TRPV2: variants seen among roughly 807,000 people sequenced by gnomAD.
The protein encoded by TRPV2 is OTRPC2.
A neutral mutation model predicts 91.0 loss-of-function variants in TRPV2; 58 were observed. The observed-to-expected ratio is 0.64, with a 90% CI of 0.52 to 0.79. The LOEUF (loss-of-function observed/expected upper bound fraction) is 0.79, where lower values mean the gene tolerates loss of function less well. TRPV2 is among the 30% of genes least tolerant of loss of function. The pLI is 0.00. For synonymous variants in TRPV2, 417 were observed against 414.8 expected (o/e 1.01, Z -0.06); for missense variants, 807 against 969.6 (o/e 0.83, Z 2.23).
At chr17:16,423,876 C>A in intron 5 of TRPV2, 109 bp downstream of exon 5, 1 of 1,089,684 alleles carries the variant, frequency 9.2e-7, no homozygotes, top group Non-Finnish European at 1.3e-6. Flanking sequence ...GGCTTCTCTG[C>A]TTTTCAATGG....
At chr17:16,424,630 C>G (rs540157055) in intron 5 of TRPV2, among the ~76,000 whole-genome samples, 134 of 152,220 alleles carry the variant, frequency 8.8e-4, no homozygotes, top group African/African-American at 3.0e-3. Context: ...GTTTGTGTTT[C>G]TTTATTAAGA....
intron 2 of TRPV2, chr17:16,419,471 G>A (rs567904998): frequency 2.1e-6 from 1 of 468,186 alleles, no homozygotes; most frequent in South Asian, 1.5e-5. Flanking sequence ...GGGATTCAGA[G>A]TCAGGGTCTA....
chr17:16,431,292 T>TATATATATATATATATATATA (rs1491493192), intron 10 of TRPV2, among the ~76,000 whole-genome samples: 1 of 16,294 alleles, frequency 6.1e-5, no homozygotes, highest in Non-Finnish European at 9.6e-5. Flanking sequence ...TATATACATA[T>TATATATATATATATATATATA]TTTTTTTTTT....
Position 16,435,051 on chromosome 17 carries a change from C to A in TRPV2, c.2194+82C>A. 8.0e-7 allele frequency: 1 copy of A among 1,248,124 alleles called. No homozygotes were observed. The highest frequency in any genetic ancestry group is 1.1e-6 in the Non-Finnish European group (1 of 903,480). The allele number at this position is 1,248,124 out of a possible 1,614,324, so 77.3% of individuals were successfully genotyped here. A position where few individuals can be genotyped will look rare whatever the true frequency, so the allele number is the denominator to read the frequency against. On this transcript the variant is annotated intron_variant, in intron 14 of 14. Coordinates refer to ENST00000338560, the MANE Select transcript of TRPV2 (RefSeq NM_016113.5). The surrounding 1 kb of genome is among the most constrained non-coding windows in gnomAD (Gnocchi z 4.2). ...CCACAAAGCCTTGGAGAGTCTGGGGCAGGACCCAGAGACCTCCTCATAGTC... is the reference window on the plus strand; with the variant it reads ...CCACAAAGCCTTGGAGAGTCTGGGGAAGGACCCAGAGACCTCCTCATAGTC...
Position 16,420,135 on chromosome 17 carries a change from T to G in TRPV2, c.221T>G (p.Phe74Cys), listed in dbSNP as rs761328818. ...TGASQPDPNR[F>C]DRDRLFNAVS... Reference sequence around the variant, plus strand: ...CACAGTCAGCCGGATCCAAACCGATTTGACCGAGATCGGCTCTTCAATGCG... The same window carrying G: ...CACAGTCAGCCGGATCCAAACCGATGTGACCGAGATCGGCTCTTCAATGCG... Residue 74 changes from phenylalanine (F) to cysteine (C), a missense_variant, in exon 3 of 15, where the codon TTT (phenylalanine) becomes TGT (cysteine). Phe to Cys is a radical substitution (Grantham distance 205, BLOSUM62 -2). Coordinates refer to ENST00000338560, the MANE Select transcript of TRPV2 (RefSeq NM_016113.5). 39 of 1,613,302 alleles carry G rather than the reference T, an allele frequency of 2.4e-5. No homozygotes were observed. Among genetic ancestry groups the G allele is most frequent in the Non-Finnish European group, 3.1e-5 (37 of 1,179,522 alleles).
chr17:16,428,240 G>A, intron 8 of TRPV2, 77 bp from the exon 9 acceptor site: 1 of 1,404,384 alleles, frequency 7.1e-7, no homozygotes, highest in South Asian at 1.2e-5. Context: ...TGGGTGGCAG[G>A]CTCCCACTCA....
intron 8 of TRPV2, among the ~76,000 whole-genome samples, chr17:16,427,882 G>A (rs57540884): frequency 0.022 from 3,399 of 152,292 alleles, 114 homozygotes; most frequent in African/African-American, 0.078. Flanking sequence ...AGAGACCAGA[G>A]GTAGGTGGGG....
intron 3 of TRPV2, among the ~76,000 whole-genome samples, chr17:16,421,431 G>T (rs1228811387): frequency 6.6e-6 from 1 of 151,528 alleles, no homozygotes; most frequent in East Asian, 1.9e-4. Context: ...TTTTAGCCAG[G>T]ATGGTCTCAA....
At chr17:16,420,456 C>A (rs942992283) in intron 3 of TRPV2, among the ~76,000 whole-genome samples, 1 of 152,216 alleles carries the variant, frequency 6.6e-6, no homozygotes, top group African/African-American at 2.4e-5. Context: ...TCCACCCACC[C>A]CTCAGGCCTC....
chr17:16,424,762 A>T (rs181695194), intron 5 of TRPV2, among the ~76,000 whole-genome samples: 10 of 151,678 alleles, frequency 6.6e-5, no homozygotes, highest in African/African-American at 2.4e-4. Flanking sequence ...CTAGTTCATC[A>T]TTTGTCTTTT....
rs1016086904 is a variant in TRPV2, at chr17:16,426,522, A to T, written c.1096-200A>T. On this transcript the variant is annotated intron_variant, in intron 6 of 14. Coordinates refer to ENST00000338560, the MANE Select transcript of TRPV2 (RefSeq NM_016113.5). This position sits in a 1 kb window ranked among gnomAD's most constrained non-coding sequence, Gnocchi z 6.0. ...ATCCGGGTCCTCTCTGTTAACCAGC[A>T]TCTCATTTGGAGGGCAAGCCCCTTA... 6.6e-6 allele frequency among the ~76,000 whole-genome samples: 1 copy of T among 152,170 alleles called. No individual in the cohort carries two copies.
At chr17:16,421,714 A>G (rs1383271595) in intron 3 of TRPV2, among the ~76,000 whole-genome samples, 2 of 144,208 alleles carry the variant, frequency 1.4e-5, no homozygotes, top group South Asian at 2.2e-4. Flanking sequence ...TAAAGATGGG[A>G]TTTCACCATG....
rs1434153864 is a variant in TRPV2, at chr17:16,426,756, A to G, written c.1130A>G (p.Asn377Ser). The G allele has an allele frequency of 1.9e-6, 3 of 1,614,048 alleles. No individual in the cohort carries two copies. The highest frequency in any genetic ancestry group is 2.2e-5 in the East Asian group (1 of 44,886). ...CGAATGGTCGTTTTGGAGCCCCTGA[A>G]CAAACTGCTGCAGGCGAAATGGGAT... is the stretch of plus-strand genomic sequence containing the variant. Reference protein sequence around the residue: ...RHRMVVLEPLNKLLQAKWDLL... With the variant: ...RHRMVVLEPLSKLLQAKWDLL... Residue 377 changes from asparagine (N) to serine (S), a missense_variant, in exon 7 of 15, where the codon AAC becomes AGC. Coordinates refer to ENST00000338560, the MANE Select transcript of TRPV2 (RefSeq NM_016113.5). This position sits in a 1 kb window ranked among gnomAD's most constrained non-coding sequence, Gnocchi z 6.0.
At position 16,417,665 on chromosome 17, in the gene TRPV2, T is replaced by A. The variant is rs749696148; in HGVS notation, c.-4T>A. Reference sequence around the variant, plus strand: ...GCTGGACCGAGCAGCCTCCTCCTCCTAGGATGACCTCACCCTCCAGCTCTC... The same window carrying A: ...GCTGGACCGAGCAGCCTCCTCCTCCAAGGATGACCTCACCCTCCAGCTCTC... On this transcript the variant is annotated 5_prime_UTR_variant, in exon 2 of 15. Transcript: ENST00000338560. 6.2e-7 allele frequency: 1 copy of A among 1,613,386 alleles called. No homozygotes were observed. The highest frequency in any genetic ancestry group is 8.5e-7 in the Non-Finnish European group (1 of 1,179,608).
At chr17:16,430,849 C>G (rs2093406498) in intron 10 of TRPV2, among the ~76,000 whole-genome samples, 1 of 151,210 alleles carries the variant, frequency 6.6e-6, no homozygotes. Context: ...TTTGTGCGTC[C>G]ATTCATCTGT....
intron 9 of TRPV2, 53 bp downstream of exon 9, chr17:16,428,440 G>T (rs2093394970): frequency 2.2e-5 from 34 of 1,581,240 alleles, no homozygotes; most frequent in Non-Finnish European, 3.0e-5. Flanking sequence ...GTCTGGAAGG[G>T]GCAGTTGTGG....
chr17:16,428,120 C>T (rs1035017771), intron 8 of TRPV2, among the ~76,000 whole-genome samples, 197 bp from the exon 9 acceptor site: 5 of 152,308 alleles, frequency 3.3e-5, no homozygotes, highest in East Asian at 3.9e-4. Flanking sequence ...CTGCACCCCC[C>T]GGCCTTGCCT....
At position 16,431,897 on chromosome 17, in the gene TRPV2, C is replaced by T. The variant is rs767349438; in HGVS notation, c.1654+47C>T. ...CTCCCCCTTCCCCACGTTCCTTGTC[C>T]ACCCTGTACACTCCCAAGGCTGCCC... On this transcript the variant is annotated intron_variant, in intron 11 of 14. Coordinates refer to ENST00000338560, the MANE Select transcript of TRPV2 (RefSeq NM_016113.5). 12 of 1,613,576 alleles carry T rather than the reference C, an allele frequency of 7.4e-6. No individual in the cohort carries two copies. In the South Asian group the frequency reaches 9.9e-5, roughly 13 times the overall value.
chr17:16,423,175 G>A (rs927006617), intron 4 of TRPV2, among the ~76,000 whole-genome samples: 13 of 152,200 alleles, frequency 8.5e-5, no homozygotes, highest in African/African-American at 2.2e-4. Context: ...TTTCATCCTC[G>A]TCTGGCCAGA....
Sources: gnomAD v4.1 joint callset for allele counts (sites outside exome capture counted in the v4.1 genomes callset) on GRCh38, gnomAD v4.1.1 for gene constraint, Gnocchi (gnomAD v3.1) non-coding constraint, MANE v1.5 for transcripts, NCBI Gene and HGNC (gene_info 2026-07-23, HGNC 2026-07-21) for gene names.